Variants in SENP5 observed in about 807,000 individuals in gnomAD.
The protein encoded by SENP5 is SUMO specific peptidase 5, also known as sentrin-specific protease 5.
In SENP5, 21 loss-of-function variants were observed where a neutral mutation model predicts 74.2. The observed-to-expected ratio is 0.28, with a 90% CI of 0.20 to 0.41. SENP5 has a LOEUF of 0.41. Ranked by LOEUF, SENP5 falls within the 10% of genes least tolerant of loss-of-function variation. The pLI is 1.00. For missense variants in SENP5, 717 were observed against 889.1 expected (o/e 0.81, Z 2.46); for synonymous variants, 311 against 312.7 (o/e 0.99, Z 0.06).
chr3:196,919,412 C>T (rs1037569172), intron 6 of SENP5, among the ~76,000 whole-genome samples: 7 of 152,160 alleles, frequency 4.6e-5, no homozygotes, highest in East Asian at 1.9e-4. Flanking sequence ...ACCCTAGCAG[C>T]GGAGGTTTTG....
At chr3:196,871,478 G>A (rs1258306492) in intron 1 of SENP5, among the ~76,000 whole-genome samples, 1 of 152,168 alleles carries the variant, frequency 6.6e-6, no homozygotes, top group Admixed American at 6.5e-5. Context: ...AAGGTTAGAA[G>A]TCACTTGCTG....
intron 6 of SENP5, among the ~76,000 whole-genome samples, chr3:196,905,814 C>T (rs1316074739): frequency 6.6e-6 from 1 of 152,132 alleles, no homozygotes; most frequent in East Asian, 1.9e-4. Context: ...TCTCTTCTCT[C>T]CCTGGTGGTT....
intron 2 of SENP5, among the ~76,000 whole-genome samples, chr3:196,889,801 A>G (rs936818394): frequency 6.6e-6 from 1 of 152,248 alleles, no homozygotes; most frequent in African/African-American, 2.4e-5. Context: ...CCAGGCGGGC[A>G]GAAGGAAGAT....
At chr3:196,898,188 G>A (rs9831835) in intron 2 of SENP5, among the ~76,000 whole-genome samples, 21 of 52,096 alleles carry the variant, frequency 4.0e-4, no homozygotes, top group South Asian at 2.5e-3. Context: ...TAAAAAAAAA[G>A]AAAAAAGAAA....
intron 8 of SENP5, chr3:196,929,333 A>G (rs1427887080): frequency 3.5e-6 from 1 of 285,388 alleles, no homozygotes; most frequent in East Asian, 1.1e-4. Context: ...TCCACTGTCA[A>G]TGAATTGATA....
chr3:196,932,018 T>C lies in SENP5; in HGVS notation c.*1095T>C, dbSNP rs1354896477. The C allele has an allele frequency of 1.2e-5, 5 of 409,316 alleles. No individual in the cohort carries two copies. The highest frequency in any genetic ancestry group is 2.4e-5 in the Non-Finnish European group (5 of 206,690). 25.4% of individuals were successfully genotyped at this position (409,316 alleles called of 1,614,324 possible). On this transcript the variant is annotated 3_prime_UTR_variant, in exon 10 of 10. Coordinates refer to ENST00000323460, the MANE Select transcript of SENP5 (RefSeq NM_152699.5). ...TGTCCCATTAGTGACCTCAGTAACA[T>C]GCAGGGTACGTCTGGCTTCTGCATG... is the stretch of plus-strand genomic sequence containing the variant.
chr3:196,933,528 G>A lies in SENP5; in HGVS notation c.*2605G>A, dbSNP rs577848951. On this transcript the variant is annotated 3_prime_UTR_variant, in exon 10 of 10. Coordinates refer to ENST00000323460, the MANE Select transcript of SENP5 (RefSeq NM_152699.5). ...TTGAAATATACTCTGGACTGTTGGT[G>A]AAAGAGGCAGGCATGGCTTTACTGG... 1 of 152,196 alleles carries A rather than the reference G, an allele frequency of 6.6e-6. No homozygotes were observed. The highest frequency in any genetic ancestry group is 2.1e-4 in the South Asian group (1 of 4,818). The allele number at this position is 152,196 out of a possible 1,614,324, so 9.4% of individuals were successfully genotyped here.
intron 9 of SENP5, among the ~76,000 whole-genome samples, chr3:196,929,989 A>AAT (rs202222659): frequency 0.41 from 47,506 of 115,372 alleles, 8,087 homozygotes; most frequent in East Asian, 0.74. Context: ...CATTTGCATA[A>AAT]AAAAAAAAAA....
Position 196,933,532 on chromosome 3 carries a change from G to A in SENP5, c.*2609G>A, listed in dbSNP as rs1424898946. Reference sequence around the variant, plus strand: ...AATATACTCTGGACTGTTGGTGAAAGAGGCAGGCATGGCTTTACTGGTACT... The same window carrying A: ...AATATACTCTGGACTGTTGGTGAAAAAGGCAGGCATGGCTTTACTGGTACT... On this transcript the variant is annotated 3_prime_UTR_variant, in exon 10 of 10. Coordinates refer to ENST00000323460, the MANE Select transcript of SENP5 (RefSeq NM_152699.5). 2 of 152,102 alleles carry A rather than the reference G, an allele frequency of 1.3e-5. No individual in the cohort carries two copies. Among genetic ancestry groups the A allele is most frequent in the Non-Finnish European group, 2.9e-5 (2 of 68,058 alleles). 9.4% of individuals were successfully genotyped at this position (152,102 alleles called of 1,614,324 possible). A position where few individuals can be genotyped will look rare whatever the true frequency, so the allele number is the denominator to read the frequency against.
At chr3:196,905,747 G>A (rs905845431) in intron 6 of SENP5, among the ~76,000 whole-genome samples, 4 of 152,064 alleles carry the variant, frequency 2.6e-5, no homozygotes, top group Admixed American at 6.6e-5. Context: ...AGTTTTTATG[G>A]AGGCTTCATT....
At chr3:196,893,071 A>T (rs1030506635) in intron 2 of SENP5, among the ~76,000 whole-genome samples, 2 of 152,130 alleles carry the variant, frequency 1.3e-5, no homozygotes, top group Non-Finnish European at 2.9e-5. Context: ...GAATTGCTGG[A>T]TCATATGGTA....
At chr3:196,919,782 A>G (rs1458080937) in intron 6 of SENP5, among the ~76,000 whole-genome samples, 2 of 151,504 alleles carry the variant, frequency 1.3e-5, no homozygotes, top group African/African-American at 4.9e-5. Context: ...AACAAGAGCA[A>G]AACTTCATCT....
chr3:196,904,602 A>G (rs112251594), intron 6 of SENP5, among the ~76,000 whole-genome samples: 29,058 of 151,918 alleles, frequency 0.19, 3,530 homozygotes, highest in Non-Finnish European at 0.24. Context: ...AGCCTGGCCA[A>G]TGTGGCGAAA....
chr3:196,885,959 C>G lies in SENP5; in HGVS notation c.778C>G (p.Leu260Val), dbSNP rs902054011. 3.1e-6 allele frequency: 5 copies of G among 1,614,086 alleles called. No homozygotes were observed. In the African/African-American group the frequency reaches 5.3e-5, roughly 17 times the overall value. The change falls in exon 2 of 10, where the codon CTA becomes GTA. Residue 260 changes from leucine (L) to valine (V), a missense_variant. Coordinates refer to ENST00000323460, the MANE Select transcript of SENP5 (RefSeq NM_152699.5). ...HFRTKSKVCKLRKAQRSWVQK... is the reference protein window; with the variant it reads ...HFRTKSKVCKVRKAQRSWVQK... ...CAGAACCAAAAGCAAGGTTTGCAAG[C>G]TAAGAAAAGCCCAGCGAAGCTGGGT...
Position 196,904,143 on chromosome 3 carries a change from T to G in SENP5, c.1884+533T>G, listed in dbSNP as rs562054333. 5.3e-5 allele frequency among the ~76,000 whole-genome samples: 8 copies of G among 152,362 alleles called. No individual in the cohort carries two copies. The South Asian group carries it at 1.7e-3, about 32-fold the overall frequency. On this transcript the variant is annotated intron_variant, in intron 6 of 9. Transcript: ENST00000323460. ...CATGTACCTAATTTACTATGTATGA[T>G]GTACTCTAGTCAGAGAGTGGTAAGT...
At chr3:196,880,153 C>G (rs1404921683) in intron 1 of SENP5, among the ~76,000 whole-genome samples, 1 of 152,136 alleles carries the variant, frequency 6.6e-6, no homozygotes, top group Non-Finnish European at 1.5e-5. Flanking sequence ...TCTATGTTGG[C>G]CAGGCTGGTC....
At position 196,885,620 on chromosome 3, in the gene SENP5, A is replaced by G. The variant is rs779551964; in HGVS notation, c.439A>G (p.Ser147Gly). The G allele has an allele frequency of 1.5e-5, 25 of 1,614,220 alleles. No homozygotes were observed. The highest frequency in any genetic ancestry group is 2.0e-5 in the Non-Finnish European group (24 of 1,180,056). ...GGCAGTTACTGACTTTCCATCAAAT[A>G]GTGCTTTAGGTCAGGCCAATGGTCA... is the stretch of plus-strand genomic sequence containing the variant. The part of the protein sequence containing the change: ...LKAVTDFPSN[S>G]ALGQANGHRP... Residue 147 changes from serine (S) to glycine (G), a missense_variant, in exon 2 of 10, where the codon AGT becomes GGT. Physicochemically the swap from Ser to Gly is moderately conservative, Grantham distance 56. Coordinates refer to ENST00000323460, the MANE Select transcript of SENP5 (RefSeq NM_152699.5).
chr3:196,887,344 T>C (rs998501883), intron 2 of SENP5, among the ~76,000 whole-genome samples: 3 of 152,046 alleles, frequency 2.0e-5, no homozygotes, highest in Non-Finnish European at 4.4e-5. Context: ...CATGCCTGGC[T>C]AATTTTTGTA....
At chr3:196,888,844 C>A (rs1289175150) in intron 2 of SENP5, among the ~76,000 whole-genome samples, 1 of 152,000 alleles carries the variant, frequency 6.6e-6, no homozygotes, top group Non-Finnish European at 1.5e-5. Context: ...TGGCTGGGCA[C>A]GGTGGCTCAT....
Sources: gnomAD v4.1 joint callset for allele counts (sites outside exome capture counted in the v4.1 genomes callset) on GRCh38, gnomAD v4.1.1 for gene constraint, MANE v1.5 for transcripts, NCBI Gene and HGNC (gene_info 2026-07-23, HGNC 2026-07-21) for gene names.